SEPTIN6: variants seen among roughly 807,000 people sequenced by gnomAD.
SEPTIN6 encodes septin-6.
SEPTIN6 carries 8 observed loss-of-function variants against 33.6 expected under a neutral mutation model. The observed-to-expected ratio is 0.24, with a 90% confidence interval of 0.14 to 0.43. The LOEUF (loss-of-function observed/expected upper bound fraction) is 0.43, where lower values mean the gene tolerates loss of function less well. SEPTIN6 is among the 20% of genes least tolerant of loss of function. SEPTIN6 has a pLI of 1.00. For synonymous variants in SEPTIN6, 131 were observed against 140.0 expected, an observed-to-expected ratio of 0.94 and a Z score of 0.45; for missense variants, 250 against 340.8, an observed-to-expected ratio of 0.73 and a Z score of 2.10.
intron 9 of SEPTIN6, 44 bp downstream of exon 9, chrX:119,629,274 A>T: frequency 8.6e-7 from 1 of 1,160,263 alleles, no homozygotes; most frequent in Non-Finnish European, 1.2e-6. Context: ...GAGGATGAGC[A>T]GGAGGAAAGA....
intron 1 of SEPTIN6, among the ~76,000 whole-genome samples, chrX:119,678,736 G>A (rs2054891788): frequency 9.0e-6 from 1 of 110,539 alleles, no homozygotes. Flanking sequence ...TCTTTACGGA[G>A]CCTCCGATGT....
rs1345809309 is a variant in SEPTIN6, at chrX:119,675,587, T to C, written c.112A>G (p.Ser38Gly). 2.6e-6 allele frequency: 3 copies of C among 1,167,547 alleles called. No individual in the cohort carries two copies. In the Admixed American group the frequency reaches 7.2e-5, roughly 28 times the overall value. The change falls in exon 2 of 11, where the codon AGC becomes GGC. Residue 38 changes from serine (S) to glycine (G), a missense_variant. Ser to Gly is a moderately conservative substitution (Grantham distance 56). Coordinates refer to ENST00000394610, the MANE Select transcript of SEPTIN6 (RefSeq NM_145799.4). ...LPDQLVNKSV[S>G]QGFCFNILCV... ...AGGATGTTGAAGCAGAAGCCCTGGC[T>C]GACGGACTTATTCACCAGCTGGTCA...
chrX:119,663,462 C>CAA lies in SEPTIN6; in HGVS notation c.341+19_341+20insTT. The CAA allele has an allele frequency of 2.2e-5, 22 of 1,007,852 alleles. No individual in the cohort carries two copies. The highest frequency in any genetic ancestry group is 3.2e-5 in the East Asian group (1 of 31,676). The allele number at this position is 1,007,852 out of a possible 1,213,427, so 83.1% of individuals were successfully genotyped here. ...CTCTACCAACCTCCCCACCCTACCC[C>CAA]ACCCCACCGCCTTCTTTACCTGTCC... is the stretch of plus-strand genomic sequence containing the variant. On this transcript the variant is annotated intron_variant, in intron 3 of 10. Coordinates refer to ENST00000394610, the MANE Select transcript of SEPTIN6 (RefSeq NM_145799.4).
At chrX:119,682,654 C>A (rs965744840) in intron 1 of SEPTIN6, among the ~76,000 whole-genome samples, 20 of 111,391 alleles carry the variant, frequency 1.8e-4, no homozygotes, top group African/African-American at 5.6e-4. Context: ...GTGGTTCCAG[C>A]TGCGCATCTT....
chrX:119,620,590 A>G (rs1400257509), intron 10 of SEPTIN6, among the ~76,000 whole-genome samples: 3 of 108,965 alleles, frequency 2.8e-5, no homozygotes, highest in Non-Finnish European at 5.7e-5. Flanking sequence ...AAGTGCTGGG[A>G]TTACAGGCGT....
chrX:119,680,363 C>T (rs760327735), intron 1 of SEPTIN6, among the ~76,000 whole-genome samples: 13 of 108,805 alleles, frequency 1.2e-4, no homozygotes, highest in African/African-American at 4.3e-4. Context: ...TGTGCACCAC[C>T]ACGCCCAGGT....
In SEPTIN6 at chrX:119,625,284, G is replaced by T. The variant is rs1318443550; in HGVS notation, c.*41+51C>A. The stretch of plus-strand genomic sequence containing the variant: ...GTGTTGGGGGTGCGGGATTGGGGGA[G>T]ATATGTTCTAGAAGCCACTGCCAGT... On this transcript the variant is annotated intron_variant, in intron 10 of 10. Transcript: ENST00000394610. 5.7e-6 allele frequency: 5 copies of T among 880,710 alleles called. No homozygotes were observed. The East Asian group carries it at 1.6e-4, about 28-fold the overall frequency. The allele number at this position is 880,710 out of a possible 1,213,427, so 72.6% of individuals were successfully genotyped here. A position where few individuals can be genotyped will look rare whatever the true frequency, so the allele number is the denominator to read the frequency against.
At chrX:119,646,577 C>T (rs1407165314) in intron 5 of SEPTIN6, among the ~76,000 whole-genome samples, 1 of 111,461 alleles carries the variant, frequency 9.0e-6, no homozygotes, top group African/African-American at 3.3e-5. Context: ...TCTTCCCCCT[C>T]AATCTACAAT....
rs1246145477 is a variant in SEPTIN6 at position 119,617,908 on chromosome X, A to C, written c.*2185T>G. ...GGTCTAATACTTTTGAATTATTCAG[A>C]GCTTCTCAAGCCTTAACTAGTTAAT... On this transcript the variant is annotated 3_prime_UTR_variant, in exon 11 of 11. Transcript: ENST00000394610. 1.2e-6 allele frequency: 1 copy of C among 800,831 alleles called. No individual in the cohort carries two copies. The highest frequency in any genetic ancestry group is 1.5e-6 in the Non-Finnish European group (1 of 668,322). The allele number at this position is 800,831 out of a possible 1,213,427, so 66.0% of individuals were successfully genotyped here.
rs192566484 is a variant in SEPTIN6, at chrX:119,642,184, A to C, written c.691-1396T>G. ...CAGAGCAAGACCCAGTCTCAAAAAAAAAAAAAAAAAAAAGAAAAATCAAGG... is the reference window on the plus strand; with the variant it reads ...CAGAGCAAGACCCAGTCTCAAAAAACAAAAAAAAAAAAAGAAAAATCAAGG... On this transcript the variant is annotated intron_variant, in intron 5 of 10. Coordinates refer to ENST00000394610, the MANE Select transcript of SEPTIN6 (RefSeq NM_145799.4). Among the ~76,000 whole-genome samples, 1,080 of 108,815 alleles carry C rather than the reference A, an allele frequency of 9.9e-3. 15 individuals carry two copies. The highest frequency in any genetic ancestry group is 0.034 in the African/African-American group (1,018 of 29,739). The allele number at this position is 108,815 out of a possible 115,157, so 94.5% of individuals were successfully genotyped here. A position where few individuals can be genotyped will look rare whatever the true frequency, so the allele number is the denominator to read the frequency against.
chrX:119,663,377 G>T, intron 3 of SEPTIN6, 105 bp downstream of exon 3: 1 of 696,379 alleles, frequency 1.4e-6, no homozygotes, highest in Non-Finnish European at 2.1e-6. Context: ...GGGAGGACAG[G>T]CTTGGGCCCG....
chrX:119,648,419 C>T (rs180815359), intron 5 of SEPTIN6, among the ~76,000 whole-genome samples: 1 of 111,673 alleles, frequency 9.0e-6, no homozygotes, highest in African/African-American at 3.3e-5. Context: ...TGACACTTCT[C>T]GCGAGGCTCC....
At chrX:119,659,665 T>TATC (rs1209032037) in intron 3 of SEPTIN6, among the ~76,000 whole-genome samples, 2 of 111,730 alleles carry the variant, frequency 1.8e-5, no homozygotes, top group Middle Eastern at 4.2e-3. Context: ...GTATTATTAT[T>TATC]ATCATCCATC....
At chrX:119,644,887 A>C (rs1300641173) in intron 5 of SEPTIN6, among the ~76,000 whole-genome samples, 1 of 106,176 alleles carries the variant, frequency 9.4e-6, no homozygotes, top group African/African-American at 3.4e-5. Context: ...ACAAGGGAGA[A>C]GCCCTCATGG....
At chrX:119,664,680 TAC>T (rs1342583823) in intron 2 of SEPTIN6, among the ~76,000 whole-genome samples, 1 of 106,977 alleles carries the variant, frequency 9.3e-6, no homozygotes, top group African/African-American at 3.4e-5. Flanking sequence ...AATATATATA[TAC>T]ATACACAATT....
intron 2 of SEPTIN6, among the ~76,000 whole-genome samples, chrX:119,664,236 C>A (rs1569436419): frequency 9.0e-6 from 1 of 111,713 alleles, no homozygotes. Flanking sequence ...CCCGCCTCGG[C>A]CTCCCAAAGT....
Position 119,619,455 on chromosome X carries a change from G to A in SEPTIN6, c.*638C>T, listed in dbSNP as rs950206378. ...GCTTGGTGTAAATAAATGCGTTGCCGATTTTGAGCACAGCTTGAGTGCAGT... is the reference window on the plus strand; with the variant it reads ...GCTTGGTGTAAATAAATGCGTTGCCAATTTTGAGCACAGCTTGAGTGCAGT... On this transcript the variant is annotated 3_prime_UTR_variant, in exon 11 of 11. Coordinates refer to ENST00000394610, the MANE Select transcript of SEPTIN6 (RefSeq NM_145799.4). The A allele has an allele frequency of 6.1e-6, 5 of 814,913 alleles. No individual in the cohort carries two copies. Among genetic ancestry groups the A allele is most frequent in the Non-Finnish European group, 5.9e-6 (4 of 676,728 alleles). The allele number at this position is 814,913 out of a possible 1,213,427, so 67.2% of individuals were successfully genotyped here.
intron 1 of SEPTIN6, 152 bp downstream of exon 1, chrX:119,692,924 G>C (rs957924439): frequency 3.5e-6 from 2 of 566,174 alleles, no homozygotes; most frequent in African/African-American, 4.5e-5. Flanking sequence ...CTGAGGGACT[G>C]AGCTGCTGAC....
At chrX:119,688,523 A>G in intron 1 of SEPTIN6, among the ~76,000 whole-genome samples, 1 of 110,619 alleles carries the variant, frequency 9.0e-6, no homozygotes, top group Middle Eastern at 4.6e-3. Flanking sequence ...CCTGGCCAAC[A>G]TGGTGAAACC....
Sources: allele counts gnomAD v4.1 joint callset (sites outside exome capture counted in the v4.1 genomes callset), GRCh38; gene constraint gnomAD v4.1.1; transcripts MANE v1.5; gene names NCBI Gene and HGNC (gene_info 2026-07-23, HGNC 2026-07-21).